LRRC4C: variants seen among roughly 807,000 people sequenced by gnomAD.
The protein encoded by LRRC4C is leucine rich repeat containing 4C, also known as leucine-rich repeat-containing protein 4C.
Under a neutral mutation model 33.6 loss-of-function variants are expected in LRRC4C, and 5 were observed. That is an observed-to-expected ratio of 0.15 (90% CI 0.08 to 0.31). LRRC4C has a LOEUF of 0.31. LRRC4C is among the 10% of genes least tolerant of loss of function. The pLI, the probability that LRRC4C is intolerant of heterozygous loss-of-function variation, is 1.00. For synonymous variants in LRRC4C, 329 were observed against 302.0 expected (o/e 1.09, Z -0.93); for missense variants, 560 against 796.7 (o/e 0.70, Z 3.58).
intron 5 of LRRC4C, among the ~76,000 whole-genome samples, chr11:40,192,295 T>C (rs1484915733): frequency 1.3e-5 from 2 of 151,932 alleles, no homozygotes; most frequent in Non-Finnish European, 1.5e-5. Context: ...ACGGGTTAGA[T>C]AGTGGGTGCA....
intron 1 of LRRC4C, among the ~76,000 whole-genome samples, chr11:41,324,075 A>C (rs1951035097): frequency 6.6e-6 from 1 of 152,204 alleles, no homozygotes. Context: ...CAGACCTCAA[A>C]GTCTCACCTT....
At chr11:41,392,636 T>C (rs1352228669) in intron 1 of LRRC4C, among the ~76,000 whole-genome samples, 4 of 151,316 alleles carry the variant, frequency 2.6e-5, no homozygotes, top group African/African-American at 7.3e-5. Flanking sequence ...TAGATGTAAA[T>C]AGTTAAGATG....
chr11:41,448,610 A>G (rs1490053443), intron 1 of LRRC4C, among the ~76,000 whole-genome samples: 4 of 152,108 alleles, frequency 2.6e-5, no homozygotes, highest in Non-Finnish European at 5.9e-5. Flanking sequence ...CCAGCTACAT[A>G]GAGCTTTAAA....
At chr11:41,193,621 G>A (rs1000433018) in intron 1 of LRRC4C, among the ~76,000 whole-genome samples, 1 of 152,026 alleles carries the variant, frequency 6.6e-6, no homozygotes, top group African/African-American at 2.4e-5. Context: ...ATCAAGACAC[G>A]GATCTTGATC....
intron 5 of LRRC4C, among the ~76,000 whole-genome samples, chr11:40,218,033 T>C (rs1371200550): frequency 6.6e-6 from 1 of 152,142 alleles, no homozygotes; most frequent in Non-Finnish European, 1.5e-5. Context: ...CATTATATTG[T>C]GGCTAAGTGT....
Position 40,733,076 on chromosome 11 carries a change from T to G in LRRC4C, c.-406-84798A>C, listed in dbSNP as rs1352096124. On this transcript the variant is annotated intron_variant, in intron 2 of 6. Transcript: ENST00000528697. Reference sequence around the variant, plus strand: ...TATGAATATAGTTTTTTTTTTTTTTTTTTTTTTTTTTTTTTTTGAGATGGA... The same window carrying G: ...TATGAATATAGTTTTTTTTTTTTTTGTTTTTTTTTTTTTTTTTGAGATGGA... Among the ~76,000 whole-genome samples, 7 of 126,134 alleles carry G rather than the reference T, an allele frequency of 5.5e-5. No homozygotes were observed. The South Asian group carries it at 8.7e-4, about 16-fold the overall frequency. The allele number at this position is 126,134 out of a possible 152,430, so 82.7% of individuals were successfully genotyped here. A position where few individuals can be genotyped will look rare whatever the true frequency, so the allele number is the denominator to read the frequency against.
chr11:40,739,498 A>G (rs529953815), intron 2 of LRRC4C, among the ~76,000 whole-genome samples: 1 of 152,142 alleles, frequency 6.6e-6, no homozygotes, highest in African/African-American at 2.4e-5. Context: ...ATATACATAG[A>G]CAATCAATAT....
chr11:41,223,525 T>G (rs1442412736), intron 1 of LRRC4C, among the ~76,000 whole-genome samples: 1 of 152,200 alleles, frequency 6.6e-6, no homozygotes, highest in African/African-American at 2.4e-5. Context: ...GTGCTAAGTA[T>G]GATGGTGAGA....
In LRRC4C at chr11:41,431,250, C is replaced by T. The variant is rs138509463; in HGVS notation, c.-496+28181G>A. Among the ~76,000 whole-genome samples, 839 of 152,016 alleles carry T rather than the reference C, an allele frequency of 5.5e-3. 8 individuals are homozygous for T. The highest frequency in any genetic ancestry group is 0.018 in the African/African-American group (756 of 41,482). On this transcript the variant is annotated intron_variant, in intron 1 of 6. Coordinates refer to ENST00000528697, the MANE Select transcript of LRRC4C (RefSeq NM_001258419.2). ...ACTAAGGTTAAAACAGTAATATTAA[C>T]CAAGATCCAAAATAAAATCTTGCAG... is the stretch of plus-strand genomic sequence containing the variant.
chr11:40,439,668 G>T (rs980100169), intron 3 of LRRC4C, among the ~76,000 whole-genome samples: 1 of 151,896 alleles, frequency 6.6e-6, no homozygotes, highest in Non-Finnish European at 1.5e-5. Context: ...TGGCCAGGCT[G>T]GTCTTGAACT....
At chr11:40,921,479 C>T (rs1957176080) in intron 2 of LRRC4C, among the ~76,000 whole-genome samples, 2 of 152,170 alleles carry the variant, frequency 1.3e-5, no homozygotes, top group Non-Finnish European at 2.9e-5. Flanking sequence ...CCACAACTAC[C>T]AAGGAAATGA....
chr11:40,305,505 GA>G (rs2136698993), intron 4 of LRRC4C, among the ~76,000 whole-genome samples: 1 of 151,976 alleles, frequency 6.6e-6, no homozygotes, highest in African/African-American at 2.4e-5. Flanking sequence ...AGAGATTTGA[GA>G]AGGCAACAAG....
chr11:41,011,214 T>C (rs910188374), intron 1 of LRRC4C, among the ~76,000 whole-genome samples: 1 of 152,158 alleles, frequency 6.6e-6, no homozygotes, highest in African/African-American at 2.4e-5. Context: ...ATCATCACCA[T>C]CATCATCATT....
intron 3 of LRRC4C, among the ~76,000 whole-genome samples, chr11:40,587,934 T>C (rs894079056): frequency 6.6e-6 from 1 of 152,170 alleles, no homozygotes. Context: ...GGTCTAAAAT[T>C]CTCTTTTTTG....
At chr11:40,784,249 T>C (rs544568979) in intron 2 of LRRC4C, among the ~76,000 whole-genome samples, 4 of 152,286 alleles carry the variant, frequency 2.6e-5, no homozygotes, top group Admixed American at 6.5e-5. Context: ...CTCTGAGCAA[T>C]TGGCAAGCAG....
chr11:40,184,762 C>G (rs944621493), intron 5 of LRRC4C, among the ~76,000 whole-genome samples: 2 of 152,154 alleles, frequency 1.3e-5, no homozygotes, highest in Non-Finnish European at 2.9e-5. Context: ...AACTGCATCT[C>G]TGGAGGGAGG....
At chr11:41,162,592 G>C (rs752521417) in intron 1 of LRRC4C, among the ~76,000 whole-genome samples, 1 of 152,116 alleles carries the variant, frequency 6.6e-6, no homozygotes, top group East Asian at 1.9e-4. Context: ...AACCTGTACG[G>C]TATGTTATTG....
intron 1 of LRRC4C, among the ~76,000 whole-genome samples, chr11:41,050,304 G>C (rs982582328): frequency 6.6e-6 from 1 of 152,138 alleles, no homozygotes; most frequent in African/African-American, 2.4e-5. Context: ...AATTACATGA[G>C]AGTTGATGAA....
chr11:40,959,716 T>C (rs900568679), intron 1 of LRRC4C, among the ~76,000 whole-genome samples: 1 of 151,728 alleles, frequency 6.6e-6, no homozygotes, highest in Non-Finnish European at 1.5e-5. Flanking sequence ...TAAAATTATA[T>C]GAGTGAGCAC....
Sources: gnomAD v4.1 joint callset for allele counts (sites outside exome capture counted in the v4.1 genomes callset) on GRCh38, gnomAD v4.1.1 for gene constraint, MANE v1.5 for transcripts, NCBI Gene and HGNC (gene_info 2026-07-23, HGNC 2026-07-21) for gene names.